TNFSF11: variants seen among roughly 807,000 people sequenced by gnomAD.
TNFSF11 encodes tumor necrosis factor ligand superfamily member 11.
Under a neutral mutation model 32.2 loss-of-function variants are expected in TNFSF11, and 12 were observed. The observed-to-expected ratio is 0.37, with a 90% confidence interval of 0.24 to 0.60. TNFSF11 has a LOEUF of 0.60. Ranked by LOEUF, TNFSF11 falls within the 20% of genes least tolerant of loss-of-function variation. The pLI is 0.66. For missense variants in TNFSF11, 345 were observed against 398.0 expected, an observed-to-expected ratio of 0.87 and a Z score of 1.13; for synonymous variants, 172 against 152.1, an observed-to-expected ratio of 1.13 and a Z score of -0.96.
intron 1 of TNFSF11, among the ~76,000 whole-genome samples, chr13:42,579,023 G>T (rs1353092970): frequency 1.3e-5 from 2 of 152,124 alleles, no homozygotes; most frequent in African/African-American, 2.4e-5. Flanking sequence ...GTATGCCAAA[G>T]TAAAGCCTGA....
At chr13:42,587,254 C>T (rs925593968) in intron 2 of TNFSF11, among the ~76,000 whole-genome samples, 4 of 152,162 alleles carry the variant, frequency 2.6e-5, no homozygotes, top group African/African-American at 9.7e-5. Context: ...ATCATATCGG[C>T]TGGAAGTTAC....
chr13:42,595,190 A>C (rs935449613), intron 2 of TNFSF11, among the ~76,000 whole-genome samples: 4 of 152,178 alleles, frequency 2.6e-5, no homozygotes, highest in African/African-American at 7.2e-5. Flanking sequence ...GTATCTCAGA[A>C]GGTTTCTTTT....
Position 42,574,486 on chromosome 13 carries a change from C to G in TNFSF11, c.183C>G (p.Val61=). ...ALLGLGLGQV[V]CSVALFFYFR... ...TGGGGCTGGGGCTGGGCCAGGTTGT[C>G]TGCAGCGTCGCCCTGTTCTTCTATT... The change falls in exon 1 of 5, where the codon GTC becomes GTG. Residue 61 remains valine, a synonymous_variant. Coordinates refer to ENST00000398795, the MANE Select transcript of TNFSF11 (RefSeq NM_003701.4). 6.2e-7 allele frequency: 1 copy of G among 1,609,314 alleles called. No individual in the cohort carries two copies.
At chr13:42,604,994 A>G (rs1253283271) in intron 4 of TNFSF11, among the ~76,000 whole-genome samples, 1 of 152,056 alleles carries the variant, frequency 6.6e-6, no homozygotes, top group Non-Finnish European at 1.5e-5. Flanking sequence ...CATGTTGACC[A>G]GGCTGGTCTC....
Position 42,606,957 on chromosome 13 carries a change from T to C in TNFSF11, c.*39T>C. 6.2e-7 allele frequency: 1 copy of C among 1,613,518 alleles called. No homozygotes were observed. The highest frequency in any genetic ancestry group is 8.5e-7 in the Non-Finnish European group (1 of 1,179,838). On this transcript the variant is annotated 3_prime_UTR_variant, in exon 5 of 5. Coordinates refer to ENST00000398795, the MANE Select transcript of TNFSF11 (RefSeq NM_003701.4). ...GAGTGTTATGTATTTCCTGGATGTT[T>C]GGAAACATTTTTTAAAACAAGCCAA...
At chr13:42,563,423 G>A (rs1872744584) in intron 1 of TNFSF11, among the ~76,000 whole-genome samples, 2 of 152,268 alleles carry the variant, frequency 1.3e-5, no homozygotes, top group South Asian at 4.1e-4. Context: ...AGCGCTTTAG[G>A]AGGCCAAGGC....
At chr13:42,591,167 G>A (rs984674603) in intron 2 of TNFSF11, among the ~76,000 whole-genome samples, 2 of 152,080 alleles carry the variant, frequency 1.3e-5, no homozygotes, top group East Asian at 1.9e-4. Context: ...GTGGTGGTGC[G>A]GAGTGTGTAG....
At chr13:42,566,055 C>T (rs1187197323) in intron 1 of TNFSF11, among the ~76,000 whole-genome samples, 1 of 152,168 alleles carries the variant, frequency 6.6e-6, no homozygotes, top group East Asian at 1.9e-4. Flanking sequence ...AATAGAAGAG[C>T]ACGGGCCAAC....
At chr13:42,578,510 G>A (rs2137860595) in intron 1 of TNFSF11, among the ~76,000 whole-genome samples, 1 of 152,340 alleles carries the variant, frequency 6.6e-6, no homozygotes, top group East Asian at 1.9e-4. Context: ...TCTAATGTGT[G>A]ATCCTTGAGT....
chr13:42,586,305 A>G (rs573072999), intron 2 of TNFSF11, among the ~76,000 whole-genome samples: 1 of 152,362 alleles, frequency 6.6e-6, no homozygotes, highest in South Asian at 2.1e-4. Context: ...AAAAGCATGA[A>G]CAAATGATCA....
intron 1 of TNFSF11, among the ~76,000 whole-genome samples, chr13:42,563,255 T>C (rs1247819655): frequency 6.6e-6 from 1 of 152,224 alleles, no homozygotes; most frequent in Non-Finnish European, 1.5e-5. Flanking sequence ...AAGATTTAAC[T>C]TGAAATTGAA....
chr13:42,585,622 G>A (rs559597471), intron 2 of TNFSF11, among the ~76,000 whole-genome samples: 38 of 152,320 alleles, frequency 2.5e-4, no homozygotes, highest in African/African-American at 8.7e-4. Flanking sequence ...AGTGATTCTT[G>A]TTTCCAGTTT....
At chr13:42,573,604 G>A (rs549830309), upstream of TNFSF11, among the ~76,000 whole-genome samples, 16 of 152,180 alleles carry the variant, frequency 1.1e-4, no homozygotes, top group South Asian at 3.1e-3. Flanking sequence ...GACCTGCCTC[G>A]CTCAATGTCA....
rs535557601 is a variant in TNFSF11, at chr13:42,576,484, C to G, written c.219+1962C>G. Reference sequence around the variant, plus strand: ...AAAGTAAACGTGTGAGTTAGTAAGTCTAGCCAGAAAATATACCTTTGAAGA... The same window carrying G: ...AAAGTAAACGTGTGAGTTAGTAAGTGTAGCCAGAAAATATACCTTTGAAGA... On this transcript the variant is annotated intron_variant, in intron 1 of 4. Transcript: ENST00000398795. 3.9e-5 allele frequency among the ~76,000 whole-genome samples: 6 copies of G among 152,232 alleles called. No individual in the cohort carries two copies. In the South Asian group the frequency reaches 1.2e-3, roughly 32 times the overall value.
Position 42,607,029 on chromosome 13 carries a change from A to C in TNFSF11, c.*111A>C. On this transcript the variant is annotated 3_prime_UTR_variant, in exon 5 of 5. Transcript: ENST00000398795. The stretch of plus-strand genomic sequence containing the variant: ...GAGACTACTAAGAGGCATGGCCCCA[A>C]CGGTACACGACTCAGTATCCATGCT... 37 of 1,295,230 alleles carry C rather than the reference A, an allele frequency of 2.9e-5. No homozygotes were observed. Among genetic ancestry groups the C allele is most frequent in the East Asian group, 4.8e-5 (2 of 41,840 alleles). 80.2% of individuals were successfully genotyped at this position (1,295,230 alleles called of 1,614,324 possible).
upstream of TNFSF11, among the ~76,000 whole-genome samples, chr13:42,570,702 A>C (rs2137846659): frequency 6.6e-6 from 1 of 152,328 alleles, no homozygotes; most frequent in East Asian, 1.9e-4. Context: ...ATGTTAAACA[A>C]ATTGTTATAA....
rs201118733 is a variant in TNFSF11, at chr13:42,607,898, T to C, written c.*980T>C. 1 of 152,756 alleles carries C rather than the reference T, an allele frequency of 6.5e-6. No homozygotes were observed. Among genetic ancestry groups the C allele is most frequent in the Non-Finnish European group, 1.5e-5 (1 of 68,034 alleles). 9.5% of individuals were successfully genotyped at this position (152,756 alleles called of 1,614,324 possible). A position where few individuals can be genotyped will look rare whatever the true frequency, so the allele number is the denominator to read the frequency against. On this transcript the variant is annotated 3_prime_UTR_variant, in exon 5 of 5. Coordinates refer to ENST00000398795, the MANE Select transcript of TNFSF11 (RefSeq NM_003701.4). ...CAAAATAGAAAAGTTATTAGTGGTT[T>C]ATCAGCAAAAAAGTCCAATTTTAAT...
At chr13:42,594,892 C>G (rs942914) in intron 2 of TNFSF11, among the ~76,000 whole-genome samples, 151,617 of 152,282 alleles carry the variant, frequency 1, 75,482 homozygotes, top group Middle Eastern at 1. Flanking sequence ...TTGTTTCCTG[C>G]AGAAGAAATT....
At chr13:42,592,115 G>C (rs1566382954) in intron 2 of TNFSF11, among the ~76,000 whole-genome samples, 2 of 152,154 alleles carry the variant, frequency 1.3e-5, no homozygotes, top group Admixed American at 1.3e-4. Context: ...TGTGGCGTTT[G>C]CCCTCACACA....
Sources: gnomAD v4.1 joint callset for allele counts (sites outside exome capture counted in the v4.1 genomes callset) on GRCh38, gnomAD v4.1.1 for gene constraint, MANE v1.5 for transcripts, NCBI Gene and HGNC (gene_info 2026-07-23, HGNC 2026-07-21) for gene names.